ACTR3C: variants seen among roughly 807,000 people sequenced by gnomAD.
The protein encoded by ACTR3C is actin-related protein 3C.
In ACTR3C, 18 loss-of-function variants were observed where a neutral mutation model predicts 26.3. The observed-to-expected ratio is 0.68, with a 90% CI of 0.47 to 1.01. The LOEUF (loss-of-function observed/expected upper bound fraction) is 1.01. ACTR3C is among the 50% of genes least tolerant of loss of function. The probability of loss-of-function intolerance (pLI) is 0.00; values close to 1 mark genes in which losing one functional copy is unlikely to be tolerated. For synonymous variants in ACTR3C, 55 were observed against 94.5 expected, an observed-to-expected ratio of 0.58 and a Z score of 2.42; for missense variants, 184 against 250.7, an observed-to-expected ratio of 0.73 and a Z score of 1.80.
chr7:149,913,165 G>GAGAACTCAATGCT, the ACTR3C span, among the ~76,000 whole-genome samples: 30 of 152,126 alleles, frequency 2.0e-4, no homozygotes, highest in East Asian at 3.3e-3. Flanking sequence ...TTCCCAGGAG[G>GAGAACTCAATGCT]AGAACTCAAT....
the ACTR3C span, among the ~76,000 whole-genome samples, chr7:150,131,145 T>C: frequency 6.6e-6 from 1 of 152,132 alleles, no homozygotes; most frequent in Non-Finnish European, 1.5e-5. Flanking sequence ...TCAATAAAGA[T>C]GACACAAAAA....
At chr7:150,163,900 A>G in the ACTR3C span, among the ~76,000 whole-genome samples, 1 of 152,106 alleles carries the variant, frequency 6.6e-6, no homozygotes, top group African/African-American at 2.4e-5. Context: ...TTCAAATGCT[A>G]ATCCCATCTA....
the ACTR3C span, among the ~76,000 whole-genome samples, chr7:150,191,849 T>A: frequency 6.6e-5 from 10 of 152,246 alleles, no homozygotes; most frequent in South Asian, 4.1e-4. Context: ...AAGAATTATG[T>A]TAGCTGTAAC....
chr7:150,139,324 C>T, the ACTR3C span, among the ~76,000 whole-genome samples: 30 of 151,788 alleles, frequency 2.0e-4, no homozygotes, highest in African/African-American at 6.1e-4. Flanking sequence ...ACTCTGCCTA[C>T]GCAGAAGACT....
At chr7:150,034,984 C>A in the ACTR3C span, among the ~76,000 whole-genome samples, 1 of 142,768 alleles carries the variant, frequency 7.0e-6, no homozygotes, top group Admixed American at 7.1e-5. Flanking sequence ...GTGGGGGGTG[C>A]CTCCCCCTCC....
At chr7:150,078,644 A>T in the ACTR3C span, among the ~76,000 whole-genome samples, 1 of 151,938 alleles carries the variant, frequency 6.6e-6, no homozygotes, top group Non-Finnish European at 1.5e-5. Context: ...GTTGGCCTTA[A>T]CAGCTGAGAT....
chr7:150,035,947 C>A, the ACTR3C span, among the ~76,000 whole-genome samples: 456 of 124,838 alleles, frequency 3.7e-3, 16 homozygotes, highest in African/African-American at 7.3e-3. Flanking sequence ...TGGGGGTCCT[C>A]AGAGCCAGGG....
At chr7:150,069,340 T>C in the ACTR3C span, among the ~76,000 whole-genome samples, 9 of 152,214 alleles carry the variant, frequency 5.9e-5, no homozygotes, top group Non-Finnish European at 1.3e-4. Flanking sequence ...GAGTCTGAGA[T>C]GAGAGAAGAG....
At chr7:150,181,205 C>T in the ACTR3C span, among the ~76,000 whole-genome samples, 1 of 150,714 alleles carries the variant, frequency 6.6e-6, no homozygotes, top group Non-Finnish European at 1.5e-5. Context: ...ATATATCCAG[C>T]AGATAAAATA....
chr7:150,067,826 A>ATGGGGGATG, the ACTR3C span, among the ~76,000 whole-genome samples: 2 of 138,468 alleles, frequency 1.4e-5, no homozygotes, highest in African/African-American at 5.5e-5. Flanking sequence ...GGTCGGGGGG[A>ATGGGGGATG]GGGTGCGGAC....
At chr7:150,300,201 A>T (rs531486096) in intron 1 of ACTR3C, among the ~76,000 whole-genome samples, 44 of 152,142 alleles carry the variant, frequency 2.9e-4, no homozygotes, top group Admixed American at 1.4e-3. Context: ...AAATACAAAA[A>T]TTAGCCAGGC....
At chr7:150,006,116 C>A in the ACTR3C span, among the ~76,000 whole-genome samples, 2,219 of 152,118 alleles carry the variant, frequency 0.015, 50 homozygotes, top group African/African-American at 0.049. Flanking sequence ...CTTTCTTGTT[C>A]CCTTCAAGGT....
intron 1 of ACTR3C, among the ~76,000 whole-genome samples, chr7:150,322,314 C>A (rs1301583586): frequency 6.6e-6 from 1 of 152,214 alleles, no homozygotes; most frequent in Non-Finnish European, 1.5e-5. Flanking sequence ...CAGGATGAGA[C>A]AGAAGGTTGG....
At chr7:150,033,171 G>A in the ACTR3C span, among the ~76,000 whole-genome samples, 1 of 152,290 alleles carries the variant, frequency 6.6e-6, no homozygotes, top group Admixed American at 6.5e-5. Flanking sequence ...CCCTGCAGCA[G>A]GGCTCTGTTT....
At chr7:150,291,112 G>A (rs1836218364) in intron 3 of ACTR3C, among the ~76,000 whole-genome samples, 1 of 151,800 alleles carries the variant, frequency 6.6e-6, no homozygotes, top group South Asian at 2.1e-4. Flanking sequence ...GTGTGTGCAT[G>A]CATGCGTGCA....
chr7:150,311,176 C>T (rs1220102452), intron 1 of ACTR3C, among the ~76,000 whole-genome samples: 1 of 152,132 alleles, frequency 6.6e-6, no homozygotes, highest in African/African-American at 2.4e-5. Context: ...TCCTTTCATT[C>T]TCTCAAAAAG....
Position 150,283,844 on chromosome 7 carries a change from C to G in ACTR3C, c.564+909G>C, listed in dbSNP as rs527785428. Among the ~76,000 whole-genome samples the G allele has an allele frequency of 9.0e-4, 135 of 150,162 alleles. 2 individuals are homozygous for G. Among genetic ancestry groups the G allele is most frequent in the Middle Eastern group, 3.4e-3 (1 of 294 alleles). On this transcript the variant is annotated intron_variant, in intron 6 of 7. Coordinates refer to ENST00000683684, the MANE Select transcript of ACTR3C (RefSeq NM_001164458.2). Reference sequence around the variant, plus strand: ...TCATGCCACTGAGCTGACGGCGCGACTCACTCAAGCAAAGACTGATTAAAG... The same window carrying G: ...TCATGCCACTGAGCTGACGGCGCGAGTCACTCAAGCAAAGACTGATTAAAG...
chr7:150,309,069 G>A lies in ACTR3C; in HGVS notation c.-51-13722C>T, dbSNP rs116469136. Among the ~76,000 whole-genome samples the A allele has an allele frequency of 6.8e-3, 1,032 of 152,168 alleles. 17 individuals carry two copies. Among genetic ancestry groups the A allele is most frequent in the African/African-American group, 0.023 (947 of 41,504 alleles). On this transcript the variant is annotated intron_variant, in intron 1 of 7. Transcript: ENST00000683684. ...TCTCACACTGACACCTGCTTGCATC[G>A]TGAGCCAGACCTCCAAGAAGGCATC...
chr7:150,286,897 T>C (rs1237204258), intron 4 of ACTR3C, among the ~76,000 whole-genome samples: 1 of 151,994 alleles, frequency 6.6e-6, no homozygotes, highest in Non-Finnish European at 1.5e-5. Flanking sequence ...CTCTGGCACC[T>C]CACTGTGGTC....
Sources: allele counts gnomAD v4.1 joint callset (sites outside exome capture counted in the v4.1 genomes callset), GRCh38; gene constraint gnomAD v4.1.1; transcripts MANE v1.5; gene names NCBI Gene and HGNC (gene_info 2026-07-23, HGNC 2026-07-21).